KALRN: variants seen among roughly 807,000 people sequenced by gnomAD.
The protein encoded by KALRN is kalirin RhoGEF kinase, also known as kalirin.
KALRN carries 70 observed loss-of-function variants against 353.7 expected under a neutral mutation model. That is an observed-to-expected ratio of 0.20 (90% CI 0.16 to 0.24). KALRN has a LOEUF of 0.24. Among genes scored for constraint, KALRN ranks in the 10% least tolerant of loss-of-function variants. KALRN has a pLI of 1.00. For synonymous variants in KALRN, 1,391 were observed against 1,434.8 expected (o/e 0.97, Z 0.69); for missense variants, 2,791 against 3,756.7 (o/e 0.74, Z 6.72).
chr3:124,441,692 G>A (rs951911207), intron 18 of KALRN, among the ~76,000 whole-genome samples: 4 of 152,144 alleles, frequency 2.6e-5, no homozygotes, highest in South Asian at 2.1e-4. Context: ...TAGGTGTGGC[G>A]GTGGGCACCT....
chr3:124,667,168 C>A lies in KALRN; in HGVS notation c.6688C>A (p.Arg2230=), dbSNP rs1167272064. The A allele has an allele frequency of 2.5e-6, 4 of 1,613,634 alleles. No individual in the cohort carries two copies. The highest frequency in any genetic ancestry group is 1.3e-5 in the African/African-American group (1 of 74,884). ...QDINQVLETQ[R]DFLNALQSPI... ...CATCAATCAAGTCTTAGAAACACAG[C>A]GAGACTTTTTGAATGGTGGGTGCTG... Residue 2230 remains arginine, a synonymous_variant, in exon 47 of 60, where the codon CGA becomes AGA. Coordinates refer to ENST00000682506, the MANE Select transcript of KALRN (RefSeq NM_001388419.1).
At chr3:124,439,711 C>T (rs1335139846) in intron 18 of KALRN, among the ~76,000 whole-genome samples, 3 of 152,114 alleles carry the variant, frequency 2.0e-5, no homozygotes, top group Admixed American at 1.3e-4. Flanking sequence ...ATGCCTTATT[C>T]CTAATATTCT....
chr3:124,515,487 T>C (rs1209505702), intron 33 of KALRN, among the ~76,000 whole-genome samples: 1 of 152,174 alleles, frequency 6.6e-6, no homozygotes, highest in African/African-American at 2.4e-5. Context: ...AAAACTCAGC[T>C]TTTCTGATGT....
chr3:124,673,278 C>T (rs1273602357), intron 48 of KALRN, among the ~76,000 whole-genome samples: 4 of 151,760 alleles, frequency 2.6e-5, no homozygotes, highest in Admixed American at 2.6e-4. Flanking sequence ...ACCTGTTGTC[C>T]CAGATACTGA....
intron 41 of KALRN, 75 bp downstream of exon 41, chr3:124,657,878 G>T: frequency 9.0e-7 from 1 of 1,112,462 alleles, no homozygotes; most frequent in South Asian, 1.3e-5. Flanking sequence ...TCCTGGCCAG[G>T]CACAGTGGCT....
At chr3:124,629,626 T>C (rs996379884) in intron 34 of KALRN, among the ~76,000 whole-genome samples, 8 of 152,214 alleles carry the variant, frequency 5.3e-5, no homozygotes, top group Non-Finnish European at 1.5e-5. Context: ...TCTATTCAGA[T>C]ACAGCTCTTC....
At chr3:124,122,491 G>A (rs1212461809) in intron 1 of KALRN, among the ~76,000 whole-genome samples, 3 of 152,156 alleles carry the variant, frequency 2.0e-5, no homozygotes, top group Non-Finnish European at 4.4e-5. Context: ...CCTGCATTGA[G>A]CAAGTCTATC....
intron 6 of KALRN, among the ~76,000 whole-genome samples, chr3:124,317,012 A>G (rs6785137): frequency 0.2 from 30,972 of 151,958 alleles, 3,220 homozygotes; most frequent in South Asian, 0.28. Context: ...GGTAGAGATT[A>G]TTGCTCCAAG....
At chr3:124,452,200 T>C (rs1015139132) in intron 21 of KALRN, among the ~76,000 whole-genome samples, 1 of 152,212 alleles carries the variant, frequency 6.6e-6, no homozygotes, top group Non-Finnish European at 1.5e-5. Flanking sequence ...ATGGCCATGG[T>C]TGATGTCTAA....
rs1304743134 is a variant in KALRN at position 124,268,875 on chromosome 3, A to G, written c.589A>G (p.Asn197Asp). 3.1e-6 allele frequency: 5 copies of G among 1,613,828 alleles called. No homozygotes were observed. The Admixed American group carries it at 8.3e-5, about 27-fold the overall frequency. Residue 197 changes from asparagine to aspartate, a missense_variant, in exon 5 of 60, where the codon AAC becomes GAC. By Grantham distance (23) the Asn-to-Asp change is conservative. This residue lies in a region of KALRN where 366 missense variants were observed against 489.2 expected (regional missense o/e 0.75). Coordinates refer to ENST00000682506, the MANE Select transcript of KALRN (RefSeq NM_001388419.1). ...ELRLSLEEFF[N>D]SAVHLLSRLE... ...GCGGCTCTCCCTGGAGGAGTTCTTC[A>G]ACAGCGCCGTGCACCTGCTCTCGCG...
chr3:124,696,099 C>T (rs1394534579), intron 53 of KALRN, 35 bp from the exon 54 acceptor site: 2 of 1,610,730 alleles, frequency 1.2e-6, no homozygotes, highest in Non-Finnish European at 1.7e-6. Flanking sequence ...TGTCTCATTA[C>T]TGGAGTCTGA....
intron 3 of KALRN, among the ~76,000 whole-genome samples, chr3:124,259,058 C>T (rs1324052684): frequency 6.6e-6 from 1 of 152,172 alleles, no homozygotes; most frequent in Non-Finnish European, 1.5e-5. Flanking sequence ...TCAGGAAAAA[C>T]TTGTAAGAGA....
intron 33 of KALRN, chr3:124,518,720 G>A (rs1485137374): frequency 2.1e-6 from 3 of 1,400,738 alleles, no homozygotes; most frequent in South Asian, 1.6e-5. Context: ...CTAAAATGGT[G>A]GGGCAGTAGG....
At chr3:124,098,783 A>G (rs2061631023) in intron 1 of KALRN, among the ~76,000 whole-genome samples, 1 of 152,114 alleles carries the variant, frequency 6.6e-6, no homozygotes, top group Non-Finnish European at 1.5e-5. Context: ...CAGTCCACTA[A>G]TTTCTTTTAT....
chr3:124,717,777 A>G (rs1168197301), intron 59 of KALRN, among the ~76,000 whole-genome samples: 1 of 152,166 alleles, frequency 6.6e-6, no homozygotes, highest in African/African-American at 2.4e-5. Context: ...AGGAATATAA[A>G]TTCAAATTCA....
At position 124,361,411 on chromosome 3, in the gene KALRN, G is replaced by A. The variant is rs369177056; in HGVS notation, c.1770+14146G>A. Among the ~76,000 whole-genome samples the A allele has an allele frequency of 5.3e-5, 8 of 152,320 alleles. No individual in the cohort carries two copies. The South Asian group carries it at 1.7e-3, about 32-fold the overall frequency. ...TTCTCCCAGTTATTCCTCTGTTTAT[G>A]TGTATATAGGTACATTTAGTAACCA... On this transcript the variant is annotated intron_variant, in intron 10 of 59. Coordinates refer to ENST00000682506, the MANE Select transcript of KALRN (RefSeq NM_001388419.1).
chr3:124,123,647 A>G (rs2064297836), intron 1 of KALRN, among the ~76,000 whole-genome samples: 1 of 152,280 alleles, frequency 6.6e-6, no homozygotes, highest in African/African-American at 2.4e-5. Flanking sequence ...TTTTCAATGT[A>G]GATGAAATAG....
chr3:124,264,423 C>T lies in KALRN; in HGVS notation c.264-75C>T, dbSNP rs144007945. The T allele has an allele frequency of 5.0e-4, 644 of 1,286,674 alleles. 1 individual carries two copies. Among genetic ancestry groups the T allele is most frequent in the African/African-American group, 2.3e-3 (158 of 67,360 alleles). The allele number at this position is 1,286,674 out of a possible 1,614,324, so 79.7% of individuals were successfully genotyped here. Reference sequence around the variant, plus strand: ...TCTGGTCAAGGGGAGTGCAGGTTTCCGGGTGCTTTTTGACTGTGTACTCCA... The same window carrying T: ...TCTGGTCAAGGGGAGTGCAGGTTTCTGGGTGCTTTTTGACTGTGTACTCCA... On this transcript the variant is annotated intron_variant, in intron 3 of 59. Coordinates refer to ENST00000682506, the MANE Select transcript of KALRN (RefSeq NM_001388419.1).
chr3:124,219,678 A>G (rs915971708), intron 1 of KALRN, among the ~76,000 whole-genome samples: 2 of 152,162 alleles, frequency 1.3e-5, no homozygotes, highest in African/African-American at 4.8e-5. Flanking sequence ...CTGCTGCACC[A>G]TCCCTCCTGC....
Sources: gnomAD v4.1 joint callset for allele counts (sites outside exome capture counted in the v4.1 genomes callset) on GRCh38, gnomAD v4.1.1 for gene constraint, gnomAD v4.1.1 regional missense constraint, MANE v1.5 for transcripts, NCBI Gene and HGNC (gene_info 2026-07-23, HGNC 2026-07-21) for gene names.